The following PKHD1 variants were observed in gnomAD, a reference collection of about 807,000 sequenced individuals.
The protein encoded by PKHD1 is fibrocystin.
PKHD1 carries 291 observed loss-of-function variants against 412.0 expected under a neutral mutation model. The ratio of observed to expected loss-of-function variants is 0.71; its 90% CI spans 0.64 to 0.78. PKHD1 has a LOEUF of 0.78. Among genes scored for constraint, PKHD1 ranks in the 30% least tolerant of loss-of-function variants. The probability of loss-of-function intolerance (pLI) is 0.00; values close to 1 mark genes in which losing one functional copy is unlikely to be tolerated. For synonymous variants in PKHD1, 1,777 were observed against 1,821.5 expected (o/e 0.98, Z 0.62); for missense variants, 4,825 against 4,950.7 (o/e 0.97, Z 0.76).
intron 35 of PKHD1, among the ~76,000 whole-genome samples, chr6:51,972,845 C>T (rs1050525098): frequency 1.3e-5 from 2 of 152,076 alleles, no homozygotes; most frequent in Admixed American, 6.6e-5. Context: ...AAGGTTAAAA[C>T]GTAGAGATAA....
chr6:52,025,307 A>G lies in PKHD1; in HGVS notation c.4503T>C (p.Thr1501=). 1 of 1,614,114 alleles carries G rather than the reference A, an allele frequency of 6.2e-7. No homozygotes were observed. Among genetic ancestry groups the G allele is most frequent in the Non-Finnish European group, 8.5e-7 (1 of 1,180,032 alleles). Reference sequence around the variant, plus strand: ...CTAACCTCTGACCCCTAATCAGCACAGTGGTCAGAGACCCACTGGTGTTTG... The same window carrying G: ...CTAACCTCTGACCCCTAATCAGCACGGTGGTCAGAGACCCACTGGTGTTTG... ...LSTNTSGSLT[T]VLIRGQRLAT... Residue 1501 remains threonine (T), a synonymous_variant, in exon 32 of 67, where the codon ACT becomes ACC. Coordinates refer to ENST00000371117, the MANE Select transcript of PKHD1 (RefSeq NM_138694.4).
intron 52 of PKHD1, among the ~76,000 whole-genome samples, chr6:51,804,217 C>T (rs189623815): frequency 1.2e-4 from 18 of 151,200 alleles, no homozygotes; most frequent in Non-Finnish European, 1.5e-5. Flanking sequence ...TGGCCAGAAT[C>T]CCACTGATGC....
In PKHD1 at chr6:51,912,377, C is replaced by G; in HGVS notation, c.6321G>C (p.Lys2107Asn). The change falls in exon 38 of 67, where the codon AAG becomes AAC. Residue 2107 changes from lysine (K) to asparagine (N), a missense_variant. By Grantham distance (94) the Lys-to-Asn change is moderately conservative. Transcript: ENST00000371117. Reference sequence around the variant, plus strand: ...CTGACACTCAGTACCTCAAAGGTGACTTAAGATAGAGGTCTGTATCCTGCA... The same window carrying G: ...CTGACACTCAGTACCTCAAAGGTGAGTTAAGATAGAGGTCTGTATCCTGCA... ...ETVQDTDLYL[K>N]SPLRYSHNFT... 1 of 1,609,474 alleles carries G rather than the reference C, an allele frequency of 6.2e-7. No homozygotes were observed. Among genetic ancestry groups the G allele is most frequent in the Non-Finnish European group, 8.5e-7 (1 of 1,175,972 alleles).
At chr6:51,684,037 A>ATT (rs1777084354) in intron 60 of PKHD1, among the ~76,000 whole-genome samples, 2 of 152,108 alleles carry the variant, frequency 1.3e-5, no homozygotes, top group African/African-American at 4.8e-5. Context: ...CCAAGAGAGA[A>ATT]GAAACATCAA....
chr6:51,633,614 T>G (rs1768189347), intron 64 of PKHD1, among the ~76,000 whole-genome samples: 1 of 152,152 alleles, frequency 6.6e-6, no homozygotes. Context: ...ATAAAAGGCA[T>G]TATGCTGAGT....
chr6:51,848,139 A>G (rs1771544685), intron 49 of PKHD1, among the ~76,000 whole-genome samples, 169 bp from the exon 50 acceptor site: 1 of 152,224 alleles, frequency 6.6e-6, no homozygotes, highest in African/African-American at 2.4e-5. Context: ...AAATGGGAAT[A>G]CTTAAATCTA....
intron 35 of PKHD1, among the ~76,000 whole-genome samples, chr6:52,000,181 TG>T (rs1365851080): frequency 1.3e-5 from 2 of 152,218 alleles, no homozygotes; most frequent in Non-Finnish European, 2.9e-5. Flanking sequence ...TCCATGTCGC[TG>T]GTCGAGAAAT....
rs1201376680 is a variant in PKHD1 at position 52,025,269 on chromosome 6, T to C, written c.4541A>G (p.Asp1514Gly). The C allele has an allele frequency of 1.2e-6, 2 of 1,613,874 alleles. No individual in the cohort carries two copies. The highest frequency in any genetic ancestry group is 2.7e-5 in the African/African-American group (2 of 74,876). ...ATCATCCACAAATACCATCGGCTCA[T>C]CAGCTGTGGTGGCTAACCTCTGACC... ...IRGQRLATTADEPMVFVDDQL... is the reference protein window; with the variant it reads ...IRGQRLATTAGEPMVFVDDQL... Residue 1514 changes from aspartate to glycine, a missense_variant, in exon 32 of 67, where the codon GAT (aspartate) becomes GGT (glycine). By Grantham distance (94) the Asp-to-Gly change is moderately conservative (BLOSUM62 -1). Coordinates refer to ENST00000371117, the MANE Select transcript of PKHD1 (RefSeq NM_138694.4).
chr6:51,724,999 C>G (rs1305374719), intron 60 of PKHD1, among the ~76,000 whole-genome samples: 3 of 152,144 alleles, frequency 2.0e-5, no homozygotes, highest in Admixed American at 6.6e-5. Context: ...AAGAGAGGAA[C>G]TACTACAAAT....
Position 51,633,191 on chromosome 6 carries a change from G to A in PKHD1, c.11507-468C>T, listed in dbSNP as rs144276820. On this transcript the variant is annotated intron_variant, in intron 64 of 66. Transcript: ENST00000371117. The stretch of plus-strand genomic sequence containing the variant: ...GCACCATATTGTCTTAGAGAGTTAT[G>A]TTATCTGGAAAACTAGGACTAGAAC... 7.6e-3 allele frequency among the ~76,000 whole-genome samples: 1,155 copies of A among 152,258 alleles called. 10 individuals are homozygous for A. Among genetic ancestry groups the A allele is most frequent in the Non-Finnish European group, 0.013 (907 of 68,016 alleles).
chr6:51,823,289 C>T (rs983834528), intron 52 of PKHD1, among the ~76,000 whole-genome samples: 4 of 152,066 alleles, frequency 2.6e-5, no homozygotes, highest in South Asian at 4.2e-4. Flanking sequence ...AAATAAAACC[C>T]GAGTCTCTTA....
intron 55 of PKHD1, among the ~76,000 whole-genome samples, chr6:51,765,242 G>C (rs190966505): frequency 1.3e-5 from 2 of 151,886 alleles, no homozygotes; most frequent in Admixed American, 1.3e-4. Context: ...CAGAGTCCCA[G>C]ATACATGATT....
intron 53 of PKHD1, among the ~76,000 whole-genome samples, chr6:51,790,099 C>A (rs74898448): frequency 0.013 from 2,016 of 152,230 alleles, 43 homozygotes; most frequent in African/African-American, 0.045. Context: ...TTTCTCCCAA[C>A]TGAGATTCTA....
chr6:52,010,327 G>A lies in PKHD1; in HGVS notation c.5733C>T (p.Arg1911=). The change falls in exon 35 of 67, where the codon CGC becomes CGT. Residue 1911 remains arginine (R), a synonymous_variant. Transcript: ENST00000371117. ...ITVKITEIRK[R]WGQNTQGNFS... is the part of the protein sequence containing the mutation. The stretch of plus-strand genomic sequence containing the variant: ...ATTATACCTGAGTGTTCTGGCCCCA[G>A]CGTTTCCGTATCTCAGTAATCTTGA... 4 of 1,613,834 alleles carry A rather than the reference G, an allele frequency of 2.5e-6. No individual in the cohort carries two copies. In the South Asian group the frequency reaches 4.4e-5, roughly 18 times the overall value.
intron 36 of PKHD1, among the ~76,000 whole-genome samples, chr6:51,953,623 C>A (rs560778493): frequency 6.6e-6 from 1 of 151,858 alleles, no homozygotes; most frequent in East Asian, 1.9e-4. Flanking sequence ...ATAGGTTCAT[C>A]ATTTAATACC....
At chr6:51,710,737 G>T (rs1276048588) in intron 60 of PKHD1, among the ~76,000 whole-genome samples, 1 of 152,010 alleles carries the variant, frequency 6.6e-6, no homozygotes, top group Non-Finnish European at 1.5e-5. Context: ...AACATATTAG[G>T]CAGTAATCTT....
At chr6:51,836,328 A>T in intron 51 of PKHD1, 76 bp downstream of exon 51, 1 of 951,106 alleles carries the variant, frequency 1.1e-6, no homozygotes. Flanking sequence ...TAACAGTATG[A>T]CAAGGTGGAA....
Position 52,055,606 on chromosome 6 carries a change from C to T in PKHD1, c.1817G>A (p.Arg606Gln), listed in dbSNP as rs761313487. ...ACTCACGTGTGTATACTGATCTAGCCGATAGCCCTTCTGGGCAGCCGGGGG... is the reference window on the plus strand; with the variant it reads ...ACTCACGTGTGTATACTGATCTAGCTGATAGCCCTTCTGGGCAGCCGGGGG... ...LTPPAAQKGY[R>Q]LDQYTHLCLA... Residue 606 changes from arginine to glutamine, a missense_variant, in exon 19 of 67, where the codon CGG becomes CAG. By Grantham distance (43) the Arg-to-Gln change is conservative. Transcript: ENST00000371117. The T allele has an allele frequency of 1.0e-4, 166 of 1,613,870 alleles. No homozygotes were observed. Among genetic ancestry groups the T allele is most frequent in the Non-Finnish European group, 1.3e-4 (155 of 1,179,916 alleles).
intron 36 of PKHD1, among the ~76,000 whole-genome samples, chr6:51,941,060 C>T (rs570934366): frequency 1.3e-5 from 2 of 150,966 alleles, no homozygotes; most frequent in South Asian, 2.1e-4. Context: ...TGTATCCCCC[C>T]CCACCTTAAC....
Sources: allele counts gnomAD v4.1 joint callset (sites outside exome capture counted in the v4.1 genomes callset), GRCh38; gene constraint gnomAD v4.1.1; transcripts MANE v1.5; gene names NCBI Gene and HGNC (gene_info 2026-07-23, HGNC 2026-07-21).